Variants in FAM114A1 observed in about 807,000 individuals in gnomAD.
FAM114A1 encodes the protein protein NOXP20.
FAM114A1 carries 62 observed loss-of-function variants against 64.3 expected under a neutral mutation model. The observed-to-expected ratio is 0.96, with a 90% CI of 0.79 to 1.19. The LOEUF (loss-of-function observed/expected upper bound fraction) is 1.19, where lower values mean the gene tolerates loss of function less well. Ranked by LOEUF, FAM114A1 falls within the 50% of genes most tolerant of loss-of-function variation. FAM114A1 has a pLI of 0.00. For synonymous variants in FAM114A1, 254 were observed against 251.1 expected (o/e 1.01, Z -0.11); for missense variants, 645 against 676.3 (o/e 0.95, Z 0.51).
chr4:38,878,259 G>T lies in FAM114A1; in HGVS notation c.181G>T (p.Ala61Ser). The T allele has an allele frequency of 1.9e-6, 3 of 1,614,200 alleles. No homozygotes were observed. The highest frequency in any genetic ancestry group is 3.3e-4 in the Middle Eastern group (2 of 6,062). ...GCATGAAAATGCAGCTGTGCAGGGTGCAGGGGCTGCCGCCATTGGGCCCCC... is the reference window on the plus strand; with the variant it reads ...GCATGAAAATGCAGCTGTGCAGGGTTCAGGGGCTGCCGCCATTGGGCCCCC... ...EGHENAAVQG[A>S]GAAAIGPPVQ... is the part of the protein sequence containing the mutation. The change falls in exon 3 of 15, where the codon GCA (alanine) becomes TCA (serine). Residue 61 changes from alanine (A) to serine (S), a missense_variant. By Grantham distance (99) the Ala-to-Ser change is moderately conservative. Transcript: ENST00000358869.
intron 2 of FAM114A1, among the ~76,000 whole-genome samples, chr4:38,870,924 T>A (rs1360172592): frequency 1.3e-5 from 2 of 152,110 alleles, no homozygotes; most frequent in African/African-American, 2.4e-5. Context: ...GCATCCACAG[T>A]CGATAAAGTT....
In FAM114A1 at chr4:38,905,612, A is replaced by G. The variant is rs149310340; in HGVS notation, c.527A>G (p.Asn176Ser). The G allele has an allele frequency of 1.9e-6, 3 of 1,614,180 alleles. No individual in the cohort carries two copies. The highest frequency in any genetic ancestry group is 2.5e-6 in the Non-Finnish European group (3 of 1,180,002). Residue 176 changes from asparagine (N) to serine (S), a missense_variant, in exon 5 of 15, where the codon AAT becomes AGT. Coordinates refer to ENST00000358869, the MANE Select transcript of FAM114A1 (RefSeq NM_138389.4). ...GGATCTTCTGAAGGAGCCCAACCAA[A>G]TACTGAAAACGGAGTCCCTGAAAGT... Reference protein sequence around the residue: ...NSGSSEGAQPNTENGVPEITD... With the variant: ...NSGSSEGAQPSTENGVPEITD...
At chr4:38,894,931 G>C (rs945092872) in intron 4 of FAM114A1, among the ~76,000 whole-genome samples, 3 of 152,204 alleles carry the variant, frequency 2.0e-5, no homozygotes, top group African/African-American at 7.2e-5. Context: ...GCTAAAATCA[G>C]GGTGGCAGCC....
intron 3 of FAM114A1, among the ~76,000 whole-genome samples, chr4:38,883,428 G>T (rs1217873828): frequency 2.0e-5 from 3 of 152,084 alleles, no homozygotes; most frequent in East Asian, 3.9e-4. Flanking sequence ...ACCCTTAAAA[G>T]ACCCAATCTA....
At chr4:38,930,881 C>T (rs2109783091) in intron 10 of FAM114A1, among the ~76,000 whole-genome samples, 1 of 152,268 alleles carries the variant, frequency 6.6e-6, no homozygotes. Flanking sequence ...AGACACAGAG[C>T]AGCACCAGAC....
chr4:38,933,010 C>T (rs1394889260), intron 12 of FAM114A1, among the ~76,000 whole-genome samples: 2 of 152,060 alleles, frequency 1.3e-5, no homozygotes, highest in Non-Finnish European at 2.9e-5. Context: ...CGCACCACCA[C>T]ATCCAGCTAA....
At chr4:38,908,888 C>G (rs575092053) in intron 7 of FAM114A1, among the ~76,000 whole-genome samples, 162 bp downstream of exon 7, 1 of 152,292 alleles carries the variant, frequency 6.6e-6, no homozygotes, top group East Asian at 1.9e-4. Context: ...TTTCCCCAGT[C>G]ACTTAATTCC....
intron 2 of FAM114A1, among the ~76,000 whole-genome samples, chr4:38,874,298 T>A (rs1223516211): frequency 6.6e-6 from 1 of 152,232 alleles, no homozygotes; most frequent in Non-Finnish European, 1.5e-5. Flanking sequence ...TGATAGCTGT[T>A]GATACTATAT....
intron 4 of FAM114A1, among the ~76,000 whole-genome samples, chr4:38,896,396 T>C (rs1716943621): frequency 6.6e-6 from 1 of 152,190 alleles, no homozygotes; most frequent in South Asian, 2.1e-4. Context: ...ACAAAAGCAA[T>C]GTATATTTCA....
chr4:38,909,985 C>T (rs929248251), intron 7 of FAM114A1, among the ~76,000 whole-genome samples: 5 of 152,228 alleles, frequency 3.3e-5, no homozygotes, highest in African/African-American at 1.2e-4. Flanking sequence ...GTAATCCCAG[C>T]ACTTTGAGAG....
chr4:38,915,901 TG>T (rs1345126048), intron 8 of FAM114A1, among the ~76,000 whole-genome samples: 3 of 152,110 alleles, frequency 2.0e-5, no homozygotes, highest in Non-Finnish European at 1.5e-5. Flanking sequence ...GATGTCAGGC[TG>T]ACTGTGCTCC....
Position 38,918,862 on chromosome 4 carries a change from G to A in FAM114A1, c.945+3789G>A, listed in dbSNP as rs190213304. 1.0e-3 allele frequency among the ~76,000 whole-genome samples: 152 copies of A among 151,992 alleles called. 1 individual carries two copies. Among genetic ancestry groups the A allele is most frequent in the African/African-American group, 3.6e-3 (149 of 41,484 alleles). On this transcript the variant is annotated intron_variant, in intron 8 of 14. Transcript: ENST00000358869. ...ATGGTCTAAGGTAGATGTAAAACCG[G>A]GTGAGCTGGCTGGGCACAGTGGCTC...
chr4:38,875,412 A>G (rs1179919484), intron 2 of FAM114A1, among the ~76,000 whole-genome samples: 1 of 151,880 alleles, frequency 6.6e-6, no homozygotes, highest in Non-Finnish European at 1.5e-5. Context: ...ATTCCTACGT[A>G]TTTTGTTCTT....
In FAM114A1 at chr4:38,878,361, A is replaced by G. The variant is rs773475402; in HGVS notation, c.283A>G (p.Ile95Val). ...GACTGAGGATACACTTGCTGAATGT[A>G]TTGATTCCGTCAGCCTTGAGGCAGA... The part of the protein sequence containing the change: ...DVTEDTLAEC[I>V]DSVSLEAEPR... The change falls in exon 3 of 15, where the codon ATT becomes GTT. Residue 95 changes from isoleucine to valine, a missense_variant. Ile to Val is a conservative substitution (Grantham distance 29, BLOSUM62 3). Coordinates refer to ENST00000358869, the MANE Select transcript of FAM114A1 (RefSeq NM_138389.4). 2 of 1,613,756 alleles carry G rather than the reference A, an allele frequency of 1.2e-6. No individual in the cohort carries two copies. Among genetic ancestry groups the G allele is most frequent in the Non-Finnish European group, 1.7e-6 (2 of 1,179,792 alleles).
At chr4:38,891,227 C>T (rs865960148) in intron 3 of FAM114A1, among the ~76,000 whole-genome samples, 3 of 152,168 alleles carry the variant, frequency 2.0e-5, no homozygotes, top group Non-Finnish European at 4.4e-5. Context: ...GCAAGCCTTC[C>T]TGTCACTACT....
intron 13 of FAM114A1, among the ~76,000 whole-genome samples, chr4:38,939,462 C>T (rs1219893380): frequency 6.6e-6 from 1 of 152,114 alleles, no homozygotes; most frequent in African/African-American, 2.4e-5. Flanking sequence ...AAACCAATGT[C>T]ATCTTATTGC....
intron 9 of FAM114A1, among the ~76,000 whole-genome samples, chr4:38,926,257 T>C (rs1720079271): frequency 2.6e-5 from 4 of 152,160 alleles, no homozygotes; most frequent in Admixed American, 2.6e-4. Context: ...CAGAACTCTC[T>C]GTGCTCTGCA....
At chr4:38,937,234 C>T (rs377340060) in intron 13 of FAM114A1, among the ~76,000 whole-genome samples, 6 of 152,152 alleles carry the variant, frequency 3.9e-5, no homozygotes, top group South Asian at 4.1e-4. Context: ...GTTATTTTCT[C>T]GTGGTTCTGG....
At chr4:38,905,183 G>A (rs1281197240) in intron 4 of FAM114A1, among the ~76,000 whole-genome samples, 2 of 152,108 alleles carry the variant, frequency 1.3e-5, no homozygotes, top group African/African-American at 4.8e-5. Flanking sequence ...AATCACCTGA[G>A]GTCAGGAGTT....
Sources: gnomAD v4.1 joint callset for allele counts (sites outside exome capture counted in the v4.1 genomes callset) on GRCh38, gnomAD v4.1.1 for gene constraint, MANE v1.5 for transcripts, NCBI Gene and HGNC (gene_info 2026-07-23, HGNC 2026-07-21) for gene names.